The following CDK8 variants were observed in gnomAD, a reference collection of about 807,000 sequenced individuals.
CDK8 encodes cyclin-dependent kinase 8.
In CDK8, 29 loss-of-function variants were observed where a neutral mutation model predicts 71.5. That is an observed-to-expected ratio of 0.41 (90% CI 0.30 to 0.55). The LOEUF (loss-of-function observed/expected upper bound fraction) is 0.55. Ranked by LOEUF, CDK8 falls within the 20% of genes least tolerant of loss-of-function variation. The probability of loss-of-function intolerance (pLI) is 0.37; values close to 1 mark genes in which losing one functional copy is unlikely to be tolerated. For missense variants in CDK8, 288 were observed against 572.6 expected (o/e 0.50, Z 5.07); for synonymous variants, 161 against 192.1 (o/e 0.84, Z 1.34).
intron 1 of CDK8, among the ~76,000 whole-genome samples, chr13:26,302,135 T>C (rs1465945041): frequency 6.6e-6 from 1 of 152,218 alleles, no homozygotes; most frequent in Non-Finnish European, 1.5e-5. Context: ...GATAAACTTC[T>C]GGATTAATCA....
intron 1 of CDK8, among the ~76,000 whole-genome samples, chr13:26,283,562 C>T (rs1203573908): frequency 1.3e-5 from 2 of 151,994 alleles, no homozygotes; most frequent in South Asian, 2.1e-4. Flanking sequence ...GAGCCAAGAT[C>T]GTGCCACTGC....
At chr13:26,324,814 A>T in intron 1 of CDK8, 2 of 889,938 alleles carry the variant, frequency 2.2e-6, no homozygotes, top group Non-Finnish European at 2.7e-6. Context: ...TTTAAGAAAG[A>T]CTGATTGGTA....
intron 1 of CDK8, among the ~76,000 whole-genome samples, chr13:26,333,450 A>AT (rs889791771): frequency 7.2e-5 from 11 of 152,048 alleles, no homozygotes; most frequent in African/African-American, 1.9e-4. Flanking sequence ...GATATGCTGT[A>AT]TTTTTTTACT....
At chr13:26,387,125 G>A (rs1875516157) in intron 6 of CDK8, among the ~76,000 whole-genome samples, 1 of 151,932 alleles carries the variant, frequency 6.6e-6, no homozygotes, top group African/African-American at 2.4e-5. Flanking sequence ...ACCTCTTCTT[G>A]TTCTCTGATT....
rs148291748 is a variant in CDK8, at chr13:26,287,677, T to C, written c.128+32908T>C. On this transcript the variant is annotated intron_variant, in intron 1 of 12. Coordinates refer to ENST00000381527, the MANE Select transcript of CDK8 (RefSeq NM_001260.3). ...CTCAGAAATCGCCATTAAAGAACTT[T>C]TCCATGCAACCACACACCGCCTGTT... 2.9e-3 allele frequency among the ~76,000 whole-genome samples: 441 copies of C among 152,238 alleles called. 2 individuals carry two copies. Among genetic ancestry groups the C allele is most frequent in the African/African-American group, 0.01 (427 of 41,540 alleles).
chr13:26,280,982 G>T (rs1051274280), intron 1 of CDK8, among the ~76,000 whole-genome samples: 1 of 152,236 alleles, frequency 6.6e-6, no homozygotes, highest in Admixed American at 6.5e-5. Flanking sequence ...TGTGAGACCG[G>T]CAGAAATCTC....
chr13:26,366,879 C>T lies in CDK8; in HGVS notation c.456+12999C>T, dbSNP rs116821809. 5.8e-3 allele frequency among the ~76,000 whole-genome samples: 883 copies of T among 151,844 alleles called. 4 individuals carry two copies. Among genetic ancestry groups the T allele is most frequent in the African/African-American group, 0.021 (852 of 41,480 alleles). ...TTGAAATAAGATCATTTTTTGTTTT[C>T]CCTAATTTCACAGACTAATAGGCCT... On this transcript the variant is annotated intron_variant, in intron 4 of 12. Transcript: ENST00000381527.
At chr13:26,284,656 C>T (rs1177183784) in intron 1 of CDK8, among the ~76,000 whole-genome samples, 1 of 151,958 alleles carries the variant, frequency 6.6e-6, no homozygotes, top group Non-Finnish European at 1.5e-5. Context: ...AATTCCAGGA[C>T]TGGATGGATT....
intron 1 of CDK8, among the ~76,000 whole-genome samples, chr13:26,305,387 T>C (rs1170541259): frequency 6.6e-6 from 1 of 152,214 alleles, no homozygotes; most frequent in Non-Finnish European, 1.5e-5. Flanking sequence ...TTTAACATTT[T>C]CTCTTTGTTT....
rs556018118 is a variant in CDK8, at chr13:26,315,487, T to G, written c.129-22080T>G. On this transcript the variant is annotated intron_variant, in intron 1 of 12. Coordinates refer to ENST00000381527, the MANE Select transcript of CDK8 (RefSeq NM_001260.3). The stretch of plus-strand genomic sequence containing the variant: ...ATGTATTAATGATAAGCAAAAATAG[T>G]CTATTAGCTCATGTAGCTAGGGGAG... 2.0e-5 allele frequency among the ~76,000 whole-genome samples: 3 copies of G among 152,232 alleles called. No homozygotes were observed. In the South Asian group the frequency reaches 6.2e-4, roughly 32 times the overall value.
Position 26,404,795 on chromosome 13 carries a change from C to T in CDK8, c.*714C>T, listed in dbSNP as rs1876434886. 1 of 219,190 alleles carries T rather than the reference C, an allele frequency of 4.6e-6. No individual in the cohort carries two copies. The highest frequency in any genetic ancestry group is 9.1e-6 in the Non-Finnish European group (1 of 109,502). The allele number at this position is 219,190 out of a possible 1,614,324, so 13.6% of individuals were successfully genotyped here. On this transcript the variant is annotated 3_prime_UTR_variant, in exon 13 of 13. Transcript: ENST00000381527. ...ATTTGATAGTAATTAAATATGTTGT[C>T]ATTGATATAAACCTGTTTGGTTCAG...
chr13:26,394,451 G>A (rs1875892218), intron 7 of CDK8, among the ~76,000 whole-genome samples: 1 of 152,234 alleles, frequency 6.6e-6, no homozygotes, highest in African/African-American at 2.4e-5. Flanking sequence ...TTGAGTACCT[G>A]CCATGTGCCA....
chr13:26,263,891 C>T (rs368806121), intron 1 of CDK8, among the ~76,000 whole-genome samples: 22 of 151,984 alleles, frequency 1.4e-4, no homozygotes, highest in African/African-American at 2.9e-4. Flanking sequence ...GGACTACAGG[C>T]GCCCGCCACT....
chr13:26,404,908 G>T lies in CDK8; in HGVS notation c.*827G>T, dbSNP rs1876440465. 1 of 209,806 alleles carries T rather than the reference G, an allele frequency of 4.8e-6. No individual in the cohort carries two copies. The highest frequency in any genetic ancestry group is 9.7e-6 in the Non-Finnish European group (1 of 103,404). The allele number at this position is 209,806 out of a possible 1,614,324, so 13.0% of individuals were successfully genotyped here. ...GTGAGCATGCTTTAAGATGAAAAAA[G>T]CATGAATGATAACTTCCTTAAAAAG... On this transcript the variant is annotated 3_prime_UTR_variant, in exon 13 of 13. Transcript: ENST00000381527.
rs147483189 is a variant in CDK8 at position 26,393,655 on chromosome 13, G to A, written c.790+145G>A. The A allele has an allele frequency of 1.0e-4, 78 of 773,226 alleles. No individual in the cohort carries two copies. In the Middle Eastern group the frequency reaches 1.3e-3, roughly 13 times the overall value. The allele number at this position is 773,226 out of a possible 1,614,324, so 47.9% of individuals were successfully genotyped here. A position where few individuals can be genotyped will look rare whatever the true frequency, so the allele number is the denominator to read the frequency against. On this transcript the variant is annotated intron_variant, in intron 7 of 12. Transcript: ENST00000381527. Reference sequence around the variant, plus strand: ...TTTGACTTGCATTTATCAAAGATCCGTAGAAACAGCAAAATTTGTAGAGTT... The same window carrying A: ...TTTGACTTGCATTTATCAAAGATCCATAGAAACAGCAAAATTTGTAGAGTT...
chr13:26,265,751 G>A (rs1256270645), intron 1 of CDK8, among the ~76,000 whole-genome samples: 1 of 152,168 alleles, frequency 6.6e-6, no homozygotes, highest in East Asian at 1.9e-4. Flanking sequence ...GGGGTGGAGG[G>A]AGAGGTATAA....
chr13:26,336,907 C>T (rs1488948993), intron 1 of CDK8, among the ~76,000 whole-genome samples: 1 of 152,046 alleles, frequency 6.6e-6, no homozygotes, highest in Non-Finnish European at 1.5e-5. Flanking sequence ...GTAACCTTTT[C>T]TGTTGCACTT....
chr13:26,259,838 A>G (rs1255452612), intron 1 of CDK8, among the ~76,000 whole-genome samples: 7 of 152,212 alleles, frequency 4.6e-5, no homozygotes, highest in African/African-American at 1.7e-4. Flanking sequence ...TGTCCAAGGT[A>G]TTGGGAATGC....
chr13:26,280,205 G>C (rs1193996777), intron 1 of CDK8, among the ~76,000 whole-genome samples: 3 of 152,230 alleles, frequency 2.0e-5, no homozygotes, highest in Admixed American at 6.5e-5. Flanking sequence ...ATACTTAGGG[G>C]CTATTTTATA....
Sources: allele counts gnomAD v4.1 joint callset (sites outside exome capture counted in the v4.1 genomes callset), GRCh38; gene constraint gnomAD v4.1.1; transcripts MANE v1.5; gene names NCBI Gene and HGNC (gene_info 2026-07-23, HGNC 2026-07-21).